Variants in TMCO4 observed in about 807,000 individuals in gnomAD.
TMCO4 encodes the protein transmembrane and coiled-coil domain-containing protein 4.
TMCO4 carries 58 observed loss-of-function variants against 64.7 expected under a neutral mutation model. The observed-to-expected ratio is 0.90, with a 90% CI of 0.73 to 1.12. TMCO4 has a LOEUF of 1.12. TMCO4 is among the 50% of genes most tolerant of loss of function. The pLI, the probability that TMCO4 is intolerant of heterozygous loss-of-function variation, is 0.00. For synonymous variants in TMCO4, 325 were observed against 346.1 expected, an observed-to-expected ratio of 0.94 and a Z score of 0.68; for missense variants, 780 against 825.9, an observed-to-expected ratio of 0.94 and a Z score of 0.68.
chr1:19,739,917 G>C lies in TMCO4; in HGVS notation c.1086C>G (p.Val362=). The change falls in exon 12 of 16, where the codon GTC becomes GTG. Residue 362 remains valine (V), a synonymous_variant. Transcript: ENST00000294543. The stretch of plus-strand genomic sequence containing the variant: ...CCCAGGGGTTGTCGATGACATTGGC[G>C]ACACTGAGGAGTGAGGCTGGCCAGG... ...ALTWPASLLS[V]ANVIDNPWGV... is the part of the protein sequence containing the mutation. 6.2e-7 allele frequency: 1 copy of C among 1,613,940 alleles called. No homozygotes were observed. Among genetic ancestry groups the C allele is most frequent in the Non-Finnish European group, 8.5e-7 (1 of 1,179,958 alleles).
intron 13 of TMCO4, among the ~76,000 whole-genome samples, chr1:19,709,288 G>T (rs1036719325): frequency 1.8e-5 from 1 of 57,038 alleles, no homozygotes; most frequent in South Asian, 5.5e-4. Context: ...CATCCCGGCG[G>T]GGGGGGGGGA....
intron 2 of TMCO4, among the ~76,000 whole-genome samples, chr1:19,787,911 A>G (rs866066872): frequency 6.6e-6 from 1 of 152,074 alleles, no homozygotes; most frequent in Admixed American, 6.6e-5. Flanking sequence ...ACGCACCACC[A>G]TGCCTGGCTA....
At chr1:19,719,996 A>T (rs1445004084) in intron 13 of TMCO4, among the ~76,000 whole-genome samples, 2 of 146,070 alleles carry the variant, frequency 1.4e-5, no homozygotes, top group East Asian at 4.0e-4. Context: ...CTTCTCAAAA[A>T]GGAAAATAAT....
chr1:19,742,796 GTGT>G (rs1366557269), intron 10 of TMCO4, among the ~76,000 whole-genome samples: 2 of 152,048 alleles, frequency 1.3e-5, no homozygotes, highest in African/African-American at 4.8e-5. Flanking sequence ...TGCATAAAAG[GTGT>G]TGTATACTTT....
intron 15 of TMCO4, among the ~76,000 whole-genome samples, chr1:19,686,648 T>C (rs1030805789): frequency 6.6e-6 from 1 of 152,186 alleles, no homozygotes; most frequent in African/African-American, 2.4e-5. Flanking sequence ...CTCAGGGTGG[T>C]TGTCAAGGCA....
chr1:19,728,388 G>A (rs191506451), intron 13 of TMCO4, among the ~76,000 whole-genome samples: 1 of 152,280 alleles, frequency 6.6e-6, no homozygotes, highest in Non-Finnish European at 1.5e-5. Flanking sequence ...GCAAAAACTG[G>A]GCAGAGAGCT....
At chr1:19,790,057 GAAA>G (rs545785612) in intron 2 of TMCO4, among the ~76,000 whole-genome samples, 6 of 85,418 alleles carry the variant, frequency 7.0e-5, no homozygotes, top group African/African-American at 1.5e-4. Context: ...CTCTGCCTCA[GAAA>G]AAAAAAAAAA....
chr1:19,755,204 C>A (rs899376806), intron 7 of TMCO4, among the ~76,000 whole-genome samples: 1 of 152,256 alleles, frequency 6.6e-6, no homozygotes, highest in African/African-American at 2.4e-5. Flanking sequence ...TGGCTCACTG[C>A]AACCTCCACC....
intron 2 of TMCO4, among the ~76,000 whole-genome samples, chr1:19,787,378 G>T (rs2043800059): frequency 6.6e-6 from 1 of 152,206 alleles, no homozygotes; most frequent in Admixed American, 6.5e-5. Context: ...TTGTCTCATT[G>T]AATGTCCTTG....
chr1:19,716,661 T>C (rs979989907), intron 13 of TMCO4, among the ~76,000 whole-genome samples: 2 of 152,072 alleles, frequency 1.3e-5, no homozygotes, highest in Non-Finnish European at 2.9e-5. Context: ...TGTGTGACCA[T>C]GAATAAATCT....
At chr1:19,708,350 A>G (rs1043302831) in intron 13 of TMCO4, among the ~76,000 whole-genome samples, 1 of 151,284 alleles carries the variant, frequency 6.6e-6, no homozygotes, top group Non-Finnish European at 1.5e-5. Flanking sequence ...ACCACTTGGT[A>G]CCCCTAAAAG....
intron 7 of TMCO4, among the ~76,000 whole-genome samples, chr1:19,754,862 G>A (rs2100933877): frequency 6.6e-6 from 1 of 152,254 alleles, no homozygotes; most frequent in Admixed American, 6.5e-5. Context: ...ATTTTATAAT[G>A]CGCAGACATT....
chr1:19,759,388 T>G (rs1453079587), intron 6 of TMCO4, among the ~76,000 whole-genome samples: 2 of 152,156 alleles, frequency 1.3e-5, no homozygotes, highest in Non-Finnish European at 2.9e-5. Flanking sequence ...CCACTGAGCT[T>G]CTTTAAAATC....
chr1:19,760,492 A>G (rs2042450833), intron 6 of TMCO4, among the ~76,000 whole-genome samples: 1 of 152,150 alleles, frequency 6.6e-6, no homozygotes. Flanking sequence ...ATCTTGGCTC[A>G]CTGCAGCCTC....
intron 3 of TMCO4, among the ~76,000 whole-genome samples, chr1:19,786,411 G>A (rs1356436104): frequency 8.5e-5 from 13 of 152,208 alleles, no homozygotes; most frequent in African/African-American, 2.2e-4. Context: ...GTAAAGCTGC[G>A]ACCTGAACAA....
intron 10 of TMCO4, among the ~76,000 whole-genome samples, chr1:19,742,456 A>G (rs1227042940): frequency 6.6e-6 from 1 of 152,176 alleles, no homozygotes; most frequent in Non-Finnish European, 1.5e-5. Context: ...TCCAAAGCTC[A>G]TCCTTACCTG....
rs974721304 is a variant in TMCO4 at position 19,682,447 on chromosome 1, C to T, written c.*593G>A. 3.4e-6 allele frequency: 2 copies of T among 595,054 alleles called. No individual in the cohort carries two copies. The highest frequency in any genetic ancestry group is 6.1e-6 in the Non-Finnish European group (2 of 329,570). 36.9% of individuals were successfully genotyped at this position (595,054 alleles called of 1,614,324 possible). A position where few individuals can be genotyped will look rare whatever the true frequency, so the allele number is the denominator to read the frequency against. On this transcript the variant is annotated 3_prime_UTR_variant, in exon 16 of 16. Coordinates refer to ENST00000294543, the MANE Select transcript of TMCO4 (RefSeq NM_181719.7). Reference sequence around the variant, plus strand: ...ACATTGTGTCTGTGTGACTCATGTCCCTGGAGTTATGCAGCGCACAGCCTA... The same window carrying T: ...ACATTGTGTCTGTGTGACTCATGTCTCTGGAGTTATGCAGCGCACAGCCTA...
chr1:19,768,060 T>C (rs1429603989), intron 6 of TMCO4, among the ~76,000 whole-genome samples: 1 of 139,842 alleles, frequency 7.2e-6, no homozygotes, highest in African/African-American at 2.8e-5. Context: ...CCACCTGTAC[T>C]CCAGCCTGGC....
At chr1:19,745,181 T>C (rs928759983) in intron 10 of TMCO4, among the ~76,000 whole-genome samples, 1 of 150,358 alleles carries the variant, frequency 6.7e-6, no homozygotes, top group African/African-American at 2.5e-5. Flanking sequence ...GGTGGACAGG[T>C]AGACAGGTAG....
Sources: allele counts gnomAD v4.1 joint callset (sites outside exome capture counted in the v4.1 genomes callset), GRCh38; gene constraint gnomAD v4.1.1; transcripts MANE v1.5; gene names NCBI Gene and HGNC (gene_info 2026-07-23, HGNC 2026-07-21).